OGT: variants seen among roughly 807,000 people sequenced by gnomAD.
OGT encodes the protein O-linked N-acetylglucosamine (GlcNAc) transferase, also known as UDP-N-acetylglucosamine--peptide N-acetylglucosaminyltransferase 110 kDa subunit.
In OGT, 3 loss-of-function variants were observed where a neutral mutation model predicts 75.8. The observed-to-expected ratio is 0.04, with a 90% CI of 0.02 to 0.10. The LOEUF (loss-of-function observed/expected upper bound fraction) is 0.10, where lower values mean the gene tolerates loss of function less well. Ranked by LOEUF, OGT falls within the 10% of genes least tolerant of loss-of-function variation. The pLI is 1.00. For synonymous variants in OGT, 257 were observed against 289.7 expected (o/e 0.89, Z 1.15); for missense variants, 260 against 824.4 (o/e 0.32, Z 8.38).
chrX:71,534,112 G>A (rs2040156609), intron 1 of OGT, among the ~76,000 whole-genome samples: 2 of 110,288 alleles, frequency 1.8e-5, no homozygotes, highest in Admixed American at 1.9e-4. Context: ...ATCCTTGGGG[G>A]AGAAACCACC....
At chrX:71,548,092 A>G in intron 5 of OGT, 69 bp downstream of exon 5, 1 of 1,028,256 alleles carries the variant, frequency 9.7e-7, no homozygotes, top group Non-Finnish European at 1.4e-6. Context: ...CTAGAACTAA[A>G]TAATAGGTCT....
intron 3 of OGT, among the ~76,000 whole-genome samples, chrX:71,539,756 C>T (rs1304411330): frequency 8.9e-6 from 1 of 112,202 alleles, no homozygotes; most frequent in African/African-American, 3.2e-5. Flanking sequence ...ACCCAGTTGT[C>T]ACAGTAAGTT....
intron 7 of OGT, chrX:71,555,740 A>C (rs2040338583): frequency 2.3e-6 from 1 of 439,794 alleles, no homozygotes; most frequent in African/African-American, 2.5e-5. Context: ...AATCACAAAA[A>C]CCAAAAAACA....
chrX:71,550,167 C>T (rs1164719111), intron 5 of OGT, among the ~76,000 whole-genome samples: 1 of 111,748 alleles, frequency 8.9e-6, no homozygotes, highest in African/African-American at 3.2e-5. Context: ...TATACTAGTT[C>T]CCAAAATGGC....
chrX:71,555,515 G>A, intron 7 of OGT, 130 bp downstream of exon 7: 1 of 589,297 alleles, frequency 1.7e-6, no homozygotes, highest in Admixed American at 3.7e-5. Context: ...TGAGCTTAGG[G>A]TTTCGAGACC....
At chrX:71,571,674 C>T (rs1241766286) in intron 21 of OGT, among the ~76,000 whole-genome samples, 2 of 112,516 alleles carry the variant, frequency 1.8e-5, no homozygotes, top group African/African-American at 6.5e-5. Flanking sequence ...GTTGGGATTA[C>T]AGGCGTGAGC....
At chrX:71,562,399 AG>A (rs2040390823) in intron 15 of OGT, among the ~76,000 whole-genome samples, 2 of 112,966 alleles carry the variant, frequency 1.8e-5, no homozygotes, top group Admixed American at 1.9e-4. Context: ...TAGGAGTTTG[AG>A]GCTGCAGTGA....
At chrX:71,557,722 C>T (rs2040351925) in intron 12 of OGT, 50 bp downstream of exon 12, 1 of 1,006,191 alleles carries the variant, frequency 9.9e-7, no homozygotes, top group Admixed American at 3.1e-5. Context: ...AACACAAATA[C>T]AGAAAACTGT....
intron 5 of OGT, 103 bp from the exon 6 acceptor site, chrX:71,554,410 T>C: frequency 4.0e-6 from 2 of 498,242 alleles, no homozygotes; most frequent in South Asian, 3.5e-5. Context: ...TGAAATGTAA[T>C]TGAAAGTCTG....
rs139217701 is a variant in OGT at position 71,537,923 on chromosome X, T to C, written c.313T>C (p.Leu105=). Residue 105 remains leucine (L), a synonymous_variant, in exon 3 of 22, where the codon TTG becomes CTG. Coordinates refer to ENST00000373719, the MANE Select transcript of OGT (RefSeq NM_181672.3). ...LGNVYKERGQ[L]QEAIEHYRHA... ...GAATGTGTACAAGGAAAGAGGGCAG[T>C]TGCAGGAGGCAATTGAGCATTATCG... 25 of 1,210,454 alleles carry C rather than the reference T, an allele frequency of 2.1e-5. No individual in the cohort carries two copies. In the African/African-American group the frequency reaches 4.4e-4, roughly 21 times the overall value.
At chrX:71,561,330 G>A (rs1300023854) in intron 14 of OGT, among the ~76,000 whole-genome samples, 1 of 109,812 alleles carries the variant, frequency 9.1e-6, no homozygotes, top group Non-Finnish European at 1.9e-5. Context: ...ACTCCTATTC[G>A]TCTTTGAAGA....
rs1220443772 is a variant in OGT at position 71,575,167 on chromosome X, C to G, written c.*1373C>G. 3 of 111,843 alleles carry G rather than the reference C, an allele frequency of 2.7e-5. No individual in the cohort carries two copies. The highest frequency in any genetic ancestry group is 9.8e-5 in the African/African-American group (3 of 30,750). The allele number at this position is 111,843 out of a possible 1,213,427, so 9.2% of individuals were successfully genotyped here. ...GCCAACATATGAATATATGTTTTGT[C>G]TCGCTATACTGCACTTACGCTATCC... On this transcript the variant is annotated 3_prime_UTR_variant, in exon 22 of 22. Transcript: ENST00000373719.
intron 16 of OGT, 28 bp from the exon 17 acceptor site, chrX:71,563,102 A>G (rs1286352082): frequency 8.4e-7 from 1 of 1,196,610 alleles, no homozygotes; most frequent in East Asian, 3.0e-5. Flanking sequence ...ATCCTAAAAG[A>G]CATGTCTGAA....
chrX:71,536,100 T>G (rs1490114266), intron 1 of OGT, 78 bp from the exon 2 acceptor site: 7 of 892,584 alleles, frequency 7.8e-6, no homozygotes, highest in Non-Finnish European at 9.3e-6. Flanking sequence ...TATACCATAT[T>G]TTTACATTTT....
At chrX:71,568,324 A>G (rs982162997) in intron 21 of OGT, among the ~76,000 whole-genome samples, 2 of 112,866 alleles carry the variant, frequency 1.8e-5, no homozygotes, top group Non-Finnish European at 3.7e-5. Context: ...AAAATATTCA[A>G]GAAAATTAAA....
chrX:71,563,024 A>G lies in OGT; in HGVS notation c.2148+7A>G, dbSNP rs2040394364. ...TATGTTCCCTCACCTGAAGGTAGGT[A>G]TGAAACAGTGCTATGGACGAATTTC... On this transcript the variant is annotated splice_region_variant and intron_variant, in intron 16 of 21. Coordinates refer to ENST00000373719, the MANE Select transcript of OGT (RefSeq NM_181672.3). 2 of 1,204,582 alleles carry G rather than the reference A, an allele frequency of 1.7e-6. No individual in the cohort carries two copies. Among genetic ancestry groups the G allele is most frequent in the Non-Finnish European group, 2.2e-6 (2 of 889,426 alleles).
chrX:71,545,557 C>T (rs1161069061), intron 4 of OGT: 1 of 112,667 alleles, frequency 8.9e-6, no homozygotes, highest in Admixed American at 9.4e-5. Context: ...CTGAAACTCC[C>T]ACCTGTTGCT....
At chrX:71,568,154 G>A (rs2040428326) in intron 21 of OGT, 38 bp downstream of exon 21, 1 of 1,119,592 alleles carries the variant, frequency 8.9e-7, no homozygotes, top group African/African-American at 1.8e-5. Context: ...ATTTGGTAAA[G>A]TAGAGAGAAT....
At chrX:71,568,824 T>C (rs2040432750) in intron 21 of OGT, among the ~76,000 whole-genome samples, 1 of 97,498 alleles carries the variant, frequency 1.0e-5, no homozygotes. Context: ...TGAGACTCTA[T>C]CTCAAAAACA....
Sources: allele counts gnomAD v4.1 joint callset (sites outside exome capture counted in the v4.1 genomes callset), GRCh38; gene constraint gnomAD v4.1.1; transcripts MANE v1.5; gene names NCBI Gene and HGNC (gene_info 2026-07-23, HGNC 2026-07-21).